The following NCBP2 variants were observed in gnomAD, a reference collection of about 807,000 sequenced individuals.
NCBP2 encodes the protein nuclear cap-binding protein subunit 2.
A neutral mutation model predicts 21.5 loss-of-function variants in NCBP2; 8 were observed. The observed-to-expected ratio is 0.37, with a 90% confidence interval of 0.22 to 0.67. The LOEUF is 0.67. Ranked by LOEUF, NCBP2 falls within the 30% of genes least tolerant of loss-of-function variation. The pLI is 0.56. For missense variants in NCBP2, 127 were observed against 206.9 expected (o/e 0.61, Z 2.37); for synonymous variants, 92 against 75.8 (o/e 1.21, Z -1.11).
chr3:196,938,966 A>G (rs573900674), intron 2 of NCBP2: 9 of 325,702 alleles, frequency 2.8e-5, no homozygotes, highest in South Asian at 5.1e-5. Flanking sequence ...AGGGGTTTAG[A>G]ACAGTACGAG....
In NCBP2 at chr3:196,942,441, C is replaced by G. The variant is rs1413986177; in HGVS notation, c.63G>C (p.Arg21=). Residue 21 remains arginine (R), a synonymous_variant, in exon 1 of 4, where the codon CGG becomes CGC. Coordinates refer to ENST00000321256, the MANE Select transcript of NCBP2 (RefSeq NM_007362.5). The stretch of plus-strand genomic sequence containing the variant: ...CCTCCCTCACCCGGAAGTGCTGGTC[C>G]CGGTACTGGCTCAGCTCCACGTAGG... The part of the protein sequence containing the change: ...SDSYVELSQY[R]DQHFRGDNEE... The G allele has an allele frequency of 2.5e-6, 4 of 1,613,172 alleles. No homozygotes were observed. The highest frequency in any genetic ancestry group is 3.4e-6 in the Non-Finnish European group (4 of 1,179,852).
chr3:196,935,692 C>G lies in NCBP2; in HGVS notation c.*1319G>C, dbSNP rs531900917. The G allele has an allele frequency of 2.6e-5, 4 of 152,146 alleles. No homozygotes were observed. Among genetic ancestry groups the G allele is most frequent in the African/African-American group, 9.7e-5 (4 of 41,418 alleles). 9.4% of individuals were successfully genotyped at this position (152,146 alleles called of 1,614,324 possible). A position where few individuals can be genotyped will look rare whatever the true frequency, so the allele number is the denominator to read the frequency against. ...TTAGGTACTTCAGCCCCAACTTTCA[C>G]GGACTATTGGAAATTAGAAGGTACT... On this transcript the variant is annotated 3_prime_UTR_variant, in exon 4 of 4. Coordinates refer to ENST00000321256, the MANE Select transcript of NCBP2 (RefSeq NM_007362.5).
chr3:196,937,187 A>C, intron 3 of NCBP2, 105 bp from the exon 4 acceptor site: 1 of 1,103,414 alleles, frequency 9.1e-7, no homozygotes, highest in Non-Finnish European at 1.4e-6. Flanking sequence ...CAGATGCCAC[A>C]ATGTGAACAT....
At chr3:196,941,875 T>C in intron 1 of NCBP2, 1 of 1,531,150 alleles carries the variant, frequency 6.5e-7, no homozygotes, top group Non-Finnish European at 8.8e-7. Flanking sequence ...CGGGTCCACC[T>C]CCCCACTCCG....
In NCBP2 at chr3:196,936,913, T is replaced by A. The variant is rs1415712964; in HGVS notation, c.*98A>T. On this transcript the variant is annotated 3_prime_UTR_variant, in exon 4 of 4. Transcript: ENST00000321256. ...CAGCTCAGTAAAGACACTGATCAAATCTTGGTAAAAATGGGCTCGTGTGCA... is the reference window on the plus strand; with the variant it reads ...CAGCTCAGTAAAGACACTGATCAAAACTTGGTAAAAATGGGCTCGTGTGCA... 14 of 1,112,970 alleles carry A rather than the reference T, an allele frequency of 1.3e-5. No individual in the cohort carries two copies. The highest frequency in any genetic ancestry group is 1.8e-5 in the Non-Finnish European group (13 of 724,986). The allele number at this position is 1,112,970 out of a possible 1,614,324, so 68.9% of individuals were successfully genotyped here. A position where few individuals can be genotyped will look rare whatever the true frequency, so the allele number is the denominator to read the frequency against.
intron 2 of NCBP2, 142 bp from the exon 3 acceptor site, chr3:196,937,790 G>A: frequency 2.1e-6 from 2 of 966,134 alleles, no homozygotes; most frequent in Non-Finnish European, 3.1e-6. Flanking sequence ...GCTTGCCCAG[G>A]CCTGTTTGCG....
chr3:196,941,953 C>A, intron 1 of NCBP2: 1 of 1,536,362 alleles, frequency 6.5e-7, no homozygotes, highest in Admixed American at 2.0e-5. Flanking sequence ...GCTTCCGTAA[C>A]ACCATCCTCC....
Position 196,937,001 on chromosome 3 carries a change from C to T in NCBP2, c.*10G>A, listed in dbSNP as rs749816894. On this transcript the variant is annotated 3_prime_UTR_variant, in exon 4 of 4. Coordinates refer to ENST00000321256, the MANE Select transcript of NCBP2 (RefSeq NM_007362.5). ...AAAGGAGTGTTTGTCACTGACAGAG[C>T]TCTCACCACTCACTGGTTCTGTGCC... is the stretch of plus-strand genomic sequence containing the variant. 1 of 1,613,708 alleles carries T rather than the reference C, an allele frequency of 6.2e-7. No individual in the cohort carries two copies. Among genetic ancestry groups the T allele is most frequent in the South Asian group, 1.1e-5 (1 of 91,070 alleles).
In NCBP2 at chr3:196,937,628, G is replaced by C. The variant is rs759229687; in HGVS notation, c.281C>G (p.Ala94Gly). Residue 94 changes from alanine to glycine, a missense_variant, in exon 3 of 4, where the codon GCG (alanine) becomes GGG (glycine). Ala to Gly is a moderately conservative substitution (Grantham distance 60, BLOSUM62 0). Coordinates refer to ENST00000321256, the MANE Select transcript of NCBP2 (RefSeq NM_007362.5). ...ATTTATGTACCGCATGGCGTTTTCC[G>C]CATCTGCGCGTGAGTAATATCTTAA... ...CFVEYYSRAD[A>G]ENAMRYINGT... The C allele has an allele frequency of 6.2e-7, 1 of 1,614,130 alleles. No individual in the cohort carries two copies. Among genetic ancestry groups the C allele is most frequent in the South Asian group, 1.1e-5 (1 of 91,088 alleles).
At chr3:196,939,096 A>C in intron 2 of NCBP2, 155 bp downstream of exon 2, 1 of 581,534 alleles carries the variant, frequency 1.7e-6, no homozygotes, top group Admixed American at 3.3e-5. Flanking sequence ...GAATATAAAT[A>C]GTATCAGCTT....
chr3:196,942,232 T>G, intron 1 of NCBP2, 194 bp downstream of exon 1: 2 of 1,463,632 alleles, frequency 1.4e-6, no homozygotes, highest in Non-Finnish European at 1.8e-6. Context: ...TTCCCCGTCT[T>G]CCAGAGCAAG....
chr3:196,939,496 A>C, intron 1 of NCBP2, 64 bp from the exon 2 acceptor site: 1 of 1,159,296 alleles, frequency 8.6e-7, no homozygotes. Flanking sequence ...AGTATTTCTA[A>C]GTACGGTAGA....
rs147923289 is a variant in NCBP2 at position 196,938,985 on chromosome 3, A to C, written c.260+266T>G. ...GTTTAGAACAGTACGAGATTTTTATATTTTCACTACATTCTTTGGAATTTT... is the reference window on the plus strand; with the variant it reads ...GTTTAGAACAGTACGAGATTTTTATCTTTTCACTACATTCTTTGGAATTTT... On this transcript the variant is annotated intron_variant, in intron 2 of 3. Transcript: ENST00000321256. The C allele has an allele frequency of 2.1e-3, 771 of 363,696 alleles. 14 individuals are homozygous for C. The East Asian group carries it at 0.032, about 15-fold the overall frequency. 22.5% of individuals were successfully genotyped at this position (363,696 alleles called of 1,614,324 possible).
intron 1 of NCBP2, among the ~76,000 whole-genome samples, chr3:196,940,612 T>G (rs1400982808): frequency 1.3e-5 from 2 of 152,190 alleles, no homozygotes; most frequent in African/African-American, 4.8e-5. Flanking sequence ...TAATATGGAT[T>G]CCATTCACAG....
At chr3:196,941,789 C>T (rs1389772821) in intron 1 of NCBP2, 9 of 939,696 alleles carry the variant, frequency 9.6e-6, no homozygotes, top group African/African-American at 4.9e-5. Flanking sequence ...ATAGTCCGGA[C>T]TAAAAATTTC....
At chr3:196,942,014 ACAAAG>A in intron 1 of NCBP2, 1 of 1,536,102 alleles carries the variant, frequency 6.5e-7, no homozygotes, top group South Asian at 1.2e-5. Context: ...GATTTAAAAA[ACAAAG>A]CAAAAAGCCC....
Position 196,936,929 on chromosome 3 carries a change from C to G in NCBP2, c.*82G>C, listed in dbSNP as rs1034186476. 7.0e-6 allele frequency: 9 copies of G among 1,290,844 alleles called. No homozygotes were observed. In the South Asian group the frequency reaches 1.1e-4, roughly 15 times the overall value. The allele number at this position is 1,290,844 out of a possible 1,614,324, so 80.0% of individuals were successfully genotyped here. ...CTGATCAAATCTTGGTAAAAATGGG[C>G]TCGTGTGCAGACTTTAGGTGATGTT... On this transcript the variant is annotated 3_prime_UTR_variant, in exon 4 of 4. Transcript: ENST00000321256.
rs1413826345 is a variant in NCBP2, at chr3:196,942,512, G to A, written c.-9C>T. Reference sequence around the variant, plus strand: ...AGGAGGCCACCCGACATAGTGCAGAGAAGCGGACCACAATGCGGCGACTCC... The same window carrying A: ...AGGAGGCCACCCGACATAGTGCAGAAAAGCGGACCACAATGCGGCGACTCC... On this transcript the variant is annotated 5_prime_UTR_variant, in exon 1 of 4. Coordinates refer to ENST00000321256, the MANE Select transcript of NCBP2 (RefSeq NM_007362.5). The A allele has an allele frequency of 3.1e-6, 5 of 1,610,874 alleles. No individual in the cohort carries two copies. Among genetic ancestry groups the A allele is most frequent in the East Asian group, 2.2e-5 (1 of 44,784 alleles).
rs1237974777 is a variant in NCBP2 at position 196,937,654 on chromosome 3, G to A, written c.261-6C>T. ...CATCTGCGCGTGAGTAATATCTTAA[G>A]TATTAAGGAACACTAGCATTTTTCC... On this transcript the variant is annotated splice_region_variant and splice_polypyrimidine_tract_variant and intron_variant, in intron 2 of 3. Transcript: ENST00000321256. The A allele has an allele frequency of 6.2e-7, 1 of 1,613,234 alleles. No homozygotes were observed. Among genetic ancestry groups the A allele is most frequent in the Non-Finnish European group, 8.5e-7 (1 of 1,179,632 alleles).
Sources: gnomAD v4.1 joint callset for allele counts (sites outside exome capture counted in the v4.1 genomes callset) on GRCh38, gnomAD v4.1.1 for gene constraint, MANE v1.5 for transcripts, NCBI Gene and HGNC (gene_info 2026-07-23, HGNC 2026-07-21) for gene names.